Variants in TENM4 observed in about 807,000 individuals in gnomAD.
TENM4 encodes teneurin-4.
Under a neutral mutation model 243.3 loss-of-function variants are expected in TENM4, and 82 were observed. That is an observed-to-expected ratio of 0.34 (90% confidence interval 0.28 to 0.40). The LOEUF (loss-of-function observed/expected upper bound fraction) is 0.40. Ranked by LOEUF, TENM4 falls within the 10% of genes least tolerant of loss-of-function variation. The probability of loss-of-function intolerance (pLI) is 1.00; values close to 1 mark genes in which losing one functional copy is unlikely to be tolerated. For synonymous variants in TENM4, 1,412 were observed against 1,456.3 expected (o/e 0.97, Z 0.69); for missense variants, 3,138 against 3,673.3 (o/e 0.85, Z 3.77).
chr11:78,777,202 T>TA (rs1591015808), intron 17 of TENM4, among the ~76,000 whole-genome samples: 1 of 152,190 alleles, frequency 6.6e-6, no homozygotes, highest in East Asian at 1.9e-4. Flanking sequence ...TGCCTGTTTT[T>TA]AAAGAGGCTA....
intron 12 of TENM4, among the ~76,000 whole-genome samples, chr11:78,819,248 G>A (rs1401589948): frequency 6.6e-6 from 1 of 152,208 alleles, no homozygotes; most frequent in Non-Finnish European, 1.5e-5. Flanking sequence ...CTCCTGATTT[G>A]TTTTCAGAAA....
chr11:79,084,314 T>C (rs7105794), intron 4 of TENM4, among the ~76,000 whole-genome samples: 42,427 of 152,186 alleles, frequency 0.28, 6,030 homozygotes, highest in East Asian at 0.43. Flanking sequence ...GTTGGCAGTT[T>C]CTTAGAACAC....
chr11:79,090,519 T>C (rs1860920691), intron 4 of TENM4, among the ~76,000 whole-genome samples: 1 of 152,212 alleles, frequency 6.6e-6, no homozygotes, highest in Non-Finnish European at 1.5e-5. Context: ...TCGTTCTGCA[T>C]TGCATTCCAC....
rs683785 is a variant in TENM4 at position 78,737,153 on chromosome 11, G to T, written c.2876+1298C>A. On this transcript the variant is annotated intron_variant, in intron 20 of 33. Transcript: ENST00000278550. ...CTTTTGGATGAATGTTTCACAGCAG[G>T]TAATAATGTGGTCAGAATACCTGTT... 6.2e-3 allele frequency among the ~76,000 whole-genome samples: 951 copies of T among 152,356 alleles called. 2 individuals are homozygous for T. Among genetic ancestry groups the T allele is most frequent in the Non-Finnish European group, 0.011 (751 of 68,040 alleles).
Position 79,420,721 on chromosome 11 carries a change from A to G in TENM4, c.-321+19788T>C, listed in dbSNP as rs1035508896. ...ATGGTTATTTGCTCCTATGGTGAAA[A>G]GGAAAAAAGAAAAAACTATTACCCC... is the stretch of plus-strand genomic sequence containing the variant. On this transcript the variant is annotated intron_variant, in intron 1 of 33. Coordinates refer to ENST00000278550, the MANE Select transcript of TENM4 (RefSeq NM_001098816.3). 2.0e-5 allele frequency among the ~76,000 whole-genome samples: 3 copies of G among 152,076 alleles called. No individual in the cohort carries two copies. The South Asian group carries it at 6.2e-4, about 32-fold the overall frequency.
At position 78,712,654 on chromosome 11, in the gene TENM4, A is replaced by G. The variant is rs746842616; in HGVS notation, c.3882T>C (p.Leu1294=). ...ATDPMSGAVF[L]SDSNSRRVFK... is the part of the protein sequence containing the mutation. ...AGACCCGCCGGCTGTTGCTGTCAGA[A>G]AGGAAGACGGCCCCACTCATGGGGT... Residue 1294 remains leucine, a synonymous_variant, in exon 26 of 34, where the codon CTT becomes CTC. Transcript: ENST00000278550. 32 of 1,613,878 alleles carry G rather than the reference A, an allele frequency of 2.0e-5. No homozygotes were observed. The highest frequency in any genetic ancestry group is 8.5e-7 in the Non-Finnish European group (1 of 1,179,906).
At chr11:79,400,102 CA>C (rs1451939422) in intron 1 of TENM4, among the ~76,000 whole-genome samples, 5 of 21,810 alleles carry the variant, frequency 2.3e-4, no homozygotes, top group African/African-American at 8.1e-4. Flanking sequence ...ACACACACCA[CA>C]CACACACACA....
In TENM4 at chr11:79,365,848, C is replaced by T. The variant is rs772185674; in HGVS notation, c.-320-68305G>A. Among the ~76,000 whole-genome samples, 9 of 152,116 alleles carry T rather than the reference C, an allele frequency of 5.9e-5. No individual in the cohort carries two copies. In the South Asian group the frequency reaches 1.0e-3, roughly 18 times the overall value. ...TTGAGGAACATGCAGATGCCCGGTGCGGGTAGAGGCAAGGGTAGAAAAAAC... is the reference window on the plus strand; with the variant it reads ...TTGAGGAACATGCAGATGCCCGGTGTGGGTAGAGGCAAGGGTAGAAAAAAC... On this transcript the variant is annotated intron_variant, in intron 1 of 33. Transcript: ENST00000278550.
At chr11:78,658,839 G>A (rs1160387760) in intron 33 of TENM4, 23 bp from the exon 34 acceptor site, 3 of 1,597,234 alleles carry the variant, frequency 1.9e-6, no homozygotes, top group East Asian at 2.2e-5. Flanking sequence ...GAGAGTGAGA[G>A]AGAGAGTAAG....
At chr11:79,140,033 A>C (rs954202119) in intron 4 of TENM4, among the ~76,000 whole-genome samples, 8 of 151,184 alleles carry the variant, frequency 5.3e-5, no homozygotes, top group African/African-American at 1.9e-4. Context: ...ATGGTCTCTT[A>C]TTCACTCTGG....
At chr11:78,814,613 T>C (rs897083791) in intron 12 of TENM4, among the ~76,000 whole-genome samples, 2 of 152,230 alleles carry the variant, frequency 1.3e-5, no homozygotes, top group African/African-American at 4.8e-5. Flanking sequence ...AATGTCTGCC[T>C]GAACCAAATT....
At chr11:79,150,315 A>G (rs555432136) in intron 3 of TENM4, among the ~76,000 whole-genome samples, 13 of 152,278 alleles carry the variant, frequency 8.5e-5, no homozygotes, top group African/African-American at 3.1e-4. Flanking sequence ...GCCTGGTGTT[A>G]GGTCTTGGGT....
intron 29 of TENM4, 29 bp from the exon 30 acceptor site, chr11:78,676,416 C>A: frequency 6.5e-7 from 1 of 1,546,672 alleles, no homozygotes; most frequent in South Asian, 1.2e-5. Context: ...ACAGACTGCT[C>A]AGAAGGAACG....
chr11:79,415,277 T>A (rs1183158289), intron 1 of TENM4, among the ~76,000 whole-genome samples: 1 of 152,224 alleles, frequency 6.6e-6, no homozygotes, highest in African/African-American at 2.4e-5. Flanking sequence ...TTCAGAGCAC[T>A]TTGGAAGCAC....
intron 12 of TENM4, among the ~76,000 whole-genome samples, chr11:78,828,583 C>T (rs75630628): frequency 0.018 from 2,775 of 152,348 alleles, 90 homozygotes; most frequent in African/African-American, 0.064. Flanking sequence ...TAACACTCAA[C>T]ATAATAACTT....
intron 1 of TENM4, among the ~76,000 whole-genome samples, chr11:79,428,824 T>A (rs1859108647): frequency 6.6e-6 from 1 of 152,202 alleles, no homozygotes; most frequent in African/African-American, 2.4e-5. Flanking sequence ...AATTACTCAA[T>A]ATAAGATCCC....
At chr11:79,322,718 C>A (rs1856911862) in intron 1 of TENM4, among the ~76,000 whole-genome samples, 1 of 152,128 alleles carries the variant, frequency 6.6e-6, no homozygotes, top group Non-Finnish European at 1.5e-5. Flanking sequence ...ACATGTAGAC[C>A]TTGGTTTCTA....
At chr11:79,123,533 A>G (rs1861790339) in intron 4 of TENM4, among the ~76,000 whole-genome samples, 2 of 151,780 alleles carry the variant, frequency 1.3e-5, no homozygotes. Context: ...TGCTATATGC[A>G]TCCTCTCTGT....
chr11:79,175,253 C>T lies in TENM4; in HGVS notation c.-162-26447G>A, dbSNP rs544972957. 5.3e-5 allele frequency among the ~76,000 whole-genome samples: 8 copies of T among 152,218 alleles called. No individual in the cohort carries two copies. The South Asian group carries it at 1.5e-3, about 28-fold the overall frequency. ...AAATTATAATAATTCTAAAAAATAT[C>T]CCAAGCAAGCCATGGATTTATATAA... On this transcript the variant is annotated intron_variant, in intron 3 of 33. Transcript: ENST00000278550.
Sources: allele counts gnomAD v4.1 joint callset (sites outside exome capture counted in the v4.1 genomes callset), GRCh38; gene constraint gnomAD v4.1.1; transcripts MANE v1.5; gene names NCBI Gene and HGNC (gene_info 2026-07-23, HGNC 2026-07-21).